Variants in TANC2 observed in about 807,000 individuals in gnomAD.
TANC2 encodes the protein protein TANC2.
A neutral mutation model predicts 210.5 loss-of-function variants in TANC2; 26 were observed. The ratio of observed to expected loss-of-function variants is 0.12; its 90% confidence interval spans 0.09 to 0.17. The LOEUF (loss-of-function observed/expected upper bound fraction) is 0.17. Ranked by LOEUF, TANC2 falls within the 10% of genes least tolerant of loss-of-function variation. TANC2 has a pLI of 1.00. For missense variants in TANC2, 2,129 were observed against 2,608.9 expected (o/e 0.82, Z 4.01); for synonymous variants, 931 against 967.1 (o/e 0.96, Z 0.69).
At chr17:63,348,603 CCTA>C (rs1180264792) in intron 12 of TANC2, among the ~76,000 whole-genome samples, 25 of 152,228 alleles carry the variant, frequency 1.6e-4, no homozygotes, top group African/African-American at 5.8e-4. Context: ...TAATGTCCCT[CCTA>C]CTTTTTTAAT....
In TANC2 at chr17:62,986,727, C is replaced by T. The variant is rs572819106; in HGVS notation, c.-24+19978C>T. ...GGCCTGGAATGCAAGTGAACAGCTG[C>T]TCAGTGGAACTGGGGGTATGTCTGG... On this transcript the variant is annotated intron_variant, in intron 1 of 27. Coordinates refer to ENST00000689528, the Ensembl canonical transcript of TANC2. Among the ~76,000 whole-genome samples, 19 of 152,256 alleles carry T rather than the reference C, an allele frequency of 1.2e-4. No homozygotes were observed. In the South Asian group the frequency reaches 3.9e-3, roughly 32 times the overall value.
chr17:63,043,183 T>A (rs924918581), intron 2 of TANC2, among the ~76,000 whole-genome samples: 1 of 152,058 alleles, frequency 6.6e-6, no homozygotes. Flanking sequence ...GCACATACAT[T>A]CACGTATCTT....
intron 21 of TANC2, 118 bp from the exon 22 acceptor site, chr17:63,411,393 T>G (rs1374556471): frequency 1.0e-6 from 1 of 994,066 alleles, no homozygotes; most frequent in African/African-American, 1.6e-5. Context: ...AGTCTTAAAA[T>G]GGAAATAGTC....
At chr17:63,092,752 A>G (rs566472098) in intron 3 of TANC2, among the ~76,000 whole-genome samples, 2 of 152,214 alleles carry the variant, frequency 1.3e-5, no homozygotes, top group Admixed American at 1.3e-4. Context: ...GAAGACAGCA[A>G]CAAGCTATGA....
At chr17:63,155,103 G>A (rs1177279998) in intron 5 of TANC2, 1 of 151,888 alleles carries the variant, frequency 6.6e-6, no homozygotes, top group Non-Finnish European at 1.5e-5. Flanking sequence ...TTCTTGGGCA[G>A]CATGTATTAG....
intron 9 of TANC2, among the ~76,000 whole-genome samples, chr17:63,275,191 G>C (rs1258270489): frequency 6.6e-6 from 1 of 152,102 alleles, no homozygotes. Flanking sequence ...TCTTCTACTT[G>C]AAGAAATTAT....
chr17:63,153,923 C>G (rs2039747983), intron 5 of TANC2: 1 of 152,122 alleles, frequency 6.6e-6, no homozygotes, highest in Non-Finnish European at 1.5e-5. Flanking sequence ...TCAAACCAAA[C>G]CAATTCACTG....
chr17:63,186,284 CTG>C (rs2040980226), intron 5 of TANC2, among the ~76,000 whole-genome samples: 1 of 151,136 alleles, frequency 6.6e-6, no homozygotes, highest in African/African-American at 2.4e-5. Flanking sequence ...TTTTGTCTAG[CTG>C]TGTCTTAATT....
In TANC2 at chr17:63,200,913, C is replaced by T. The variant is rs1472767516; in HGVS notation, c.725C>T (p.Thr242Ile). 3.1e-6 allele frequency: 5 copies of T among 1,613,468 alleles called. No individual in the cohort carries two copies. The African/African-American group carries it at 4.0e-5, about 13-fold the overall frequency. The change falls in exon 7 of 28, where the codon ACT (threonine) becomes ATT (isoleucine). Residue 242 changes from threonine to isoleucine, a missense_variant. Thr to Ile is a moderately conservative substitution (Grantham distance 89). Coordinates refer to ENST00000689528, the Ensembl canonical transcript of TANC2. ...AAGGACTGCAGCTATGGGGCTGTTA[C>T]TAGTCCAACCTCTACCCTTGAAAGC...
At chr17:63,066,613 C>T (rs2036207135) in intron 2 of TANC2, among the ~76,000 whole-genome samples, 1 of 152,108 alleles carries the variant, frequency 6.6e-6, no homozygotes, top group Admixed American at 6.5e-5. Flanking sequence ...TTTTCTGCTG[C>T]CCCAACCCCC....
intron 15 of TANC2, among the ~76,000 whole-genome samples, chr17:63,380,887 A>G (rs887018196): frequency 1.5e-4 from 23 of 152,232 alleles, no homozygotes; most frequent in African/African-American, 5.5e-4. Flanking sequence ...TTGTCTAACA[A>G]ATCACTGTAC....
chr17:63,030,984 G>A (rs755074045), intron 2 of TANC2, among the ~76,000 whole-genome samples: 10 of 152,084 alleles, frequency 6.6e-5, no homozygotes, highest in Non-Finnish European at 1.3e-4. Context: ...AGGAGCTGTT[G>A]TAGTATAAAT....
At chr17:63,331,287 A>T (rs558414265) in intron 11 of TANC2, among the ~76,000 whole-genome samples, 1 of 152,340 alleles carries the variant, frequency 6.6e-6, no homozygotes, top group South Asian at 2.1e-4. Flanking sequence ...TTCATTCATA[A>T]GTTTTATGCA....
chr17:63,411,446 G>T, intron 21 of TANC2, 65 bp from the exon 22 acceptor site: 2 of 1,489,630 alleles, frequency 1.3e-6, no homozygotes, highest in Non-Finnish European at 1.8e-6. Context: ...CCCCTTCAGC[G>T]TACTTCCCCT....
At chr17:63,298,436 CAG>C (rs1199476100) in intron 9 of TANC2, among the ~76,000 whole-genome samples, 3 of 152,132 alleles carry the variant, frequency 2.0e-5, no homozygotes, top group Non-Finnish European at 2.9e-5. Context: ...TGAGAGAAGA[CAG>C]ACACAAAATG....
chr17:63,046,938 T>C (rs2035406299), intron 2 of TANC2, among the ~76,000 whole-genome samples: 1 of 152,170 alleles, frequency 6.6e-6, no homozygotes, highest in African/African-American at 2.4e-5. Flanking sequence ...AGAAAGAGGT[T>C]GTGTTTTTTT....
At chr17:63,328,212 GA>G (rs1268357418) in intron 11 of TANC2, among the ~76,000 whole-genome samples, 7 of 152,316 alleles carry the variant, frequency 4.6e-5, no homozygotes, top group African/African-American at 1.7e-4. Context: ...GGAGGAAGGT[GA>G]GGATACTACC....
At chr17:63,383,775 A>G (rs1316587111) in intron 15 of TANC2, among the ~76,000 whole-genome samples, 2 of 152,224 alleles carry the variant, frequency 1.3e-5, no homozygotes, top group African/African-American at 4.8e-5. Flanking sequence ...AGCTTGCAAG[A>G]CATTGCCAGA....
chr17:63,259,421 A>G (rs898473240), intron 8 of TANC2, among the ~76,000 whole-genome samples: 1 of 152,224 alleles, frequency 6.6e-6, no homozygotes, highest in Non-Finnish European at 1.5e-5. Flanking sequence ...GGGTCTTATG[A>G]AGGTGCTTTC....
Sources: allele counts gnomAD v4.1 joint callset (sites outside exome capture counted in the v4.1 genomes callset), GRCh38; gene constraint gnomAD v4.1.1; transcripts MANE v1.5; gene names NCBI Gene and HGNC (gene_info 2026-07-23, HGNC 2026-07-21).